CSRNP2: variants seen among roughly 807,000 people sequenced by gnomAD.
CSRNP2 encodes cysteine/serine-rich nuclear protein 2.
CSRNP2 carries 11 observed loss-of-function variants against 36.6 expected under a neutral mutation model. The ratio of observed to expected loss-of-function variants is 0.30; its 90% CI spans 0.19 to 0.50. The LOEUF (loss-of-function observed/expected upper bound fraction) is 0.50, where lower values mean the gene tolerates loss of function less well. Among genes scored for constraint, CSRNP2 ranks in the 20% least tolerant of loss-of-function variants. The pLI, the probability that CSRNP2 is intolerant of heterozygous loss-of-function variation, is 0.98. For missense variants in CSRNP2, 483 were observed against 691.4 expected, an observed-to-expected ratio of 0.70 and a Z score of 3.38; for synonymous variants, 248 against 275.3, an observed-to-expected ratio of 0.90 and a Z score of 0.98.
chr12:51,070,007 T>A (rs762150813), intron 3 of CSRNP2, among the ~76,000 whole-genome samples: 3 of 151,288 alleles, frequency 2.0e-5, no homozygotes, highest in African/African-American at 7.3e-5. Context: ...CTGGGTTTTC[T>A]GGGCTGAGAT....
At chr12:51,070,382 C>T (rs1939022159) in intron 3 of CSRNP2, among the ~76,000 whole-genome samples, 1 of 152,156 alleles carries the variant, frequency 6.6e-6, no homozygotes, top group African/African-American at 2.4e-5. Context: ...AGGCCAACTA[C>T]AAAGGGCCTT....
At chr12:51,079,165 T>C (rs1401582830) in intron 1 of CSRNP2, among the ~76,000 whole-genome samples, 5 of 151,948 alleles carry the variant, frequency 3.3e-5, no homozygotes, top group Admixed American at 1.3e-4. Context: ...TAGGTGGGAA[T>C]TGAACAATGA....
intron 3 of CSRNP2, among the ~76,000 whole-genome samples, chr12:51,072,838 G>A (rs1005852547): frequency 3.9e-5 from 6 of 152,136 alleles, no homozygotes; most frequent in African/African-American, 1.4e-4. Context: ...ACAATTATTT[G>A]ACCAGAAATT....
intron 3 of CSRNP2, among the ~76,000 whole-genome samples, chr12:51,070,933 C>T (rs376759779): frequency 6.6e-6 from 1 of 152,032 alleles, no homozygotes; most frequent in African/African-American, 2.4e-5. Context: ...ACCAGGAGTT[C>T]GAGACCAGCT....
In CSRNP2 at chr12:51,062,852, TA is replaced by T; in HGVS notation, c.*893del. The stretch of plus-strand genomic sequence containing the variant: ...GGCACAAATATGTCATCTTTCCAGA[TA>T]GCAAGCAGCCTGTTCCCGCTGCCTC... On this transcript the variant is annotated 3_prime_UTR_variant, in exon 5 of 5. Transcript: ENST00000228515. 1 of 152,508 alleles carries T rather than the reference TA, an allele frequency of 6.6e-6. No individual in the cohort carries two copies. Among genetic ancestry groups the T allele is most frequent in the Non-Finnish European group, 1.5e-5 (1 of 68,066 alleles). 9.4% of individuals were successfully genotyped at this position (152,508 alleles called of 1,614,324 possible).
intron 3 of CSRNP2, among the ~76,000 whole-genome samples, chr12:51,073,049 C>T (rs889015005): frequency 6.6e-6 from 1 of 151,782 alleles, no homozygotes; most frequent in Non-Finnish European, 1.5e-5. Flanking sequence ...TGCAAGATCC[C>T]ACTACTATTA....
chr12:51,081,124 T>C (rs753062040), intron 1 of CSRNP2, among the ~76,000 whole-genome samples: 4 of 151,866 alleles, frequency 2.6e-5, no homozygotes, highest in Non-Finnish European at 5.9e-5. Context: ...CCCACCTCTA[T>C]TAAAAATACA....
At chr12:51,066,357 G>A (rs1938295749) in intron 4 of CSRNP2, among the ~76,000 whole-genome samples, 1 of 151,596 alleles carries the variant, frequency 6.6e-6, no homozygotes, top group African/African-American at 2.4e-5. Context: ...GGAGGCTGAG[G>A]CAGGAGAATT....
intron 2 of CSRNP2, among the ~76,000 whole-genome samples, chr12:51,075,233 T>G (rs1045716631): frequency 6.6e-6 from 1 of 151,940 alleles, no homozygotes; most frequent in African/African-American, 2.4e-5. Context: ...CACCTCAGCC[T>G]CCAGAGTAGC....
chr12:51,078,398 A>C (rs199586335), intron 1 of CSRNP2, among the ~76,000 whole-genome samples: 1 of 148 alleles, frequency 6.8e-3, no homozygotes, highest in East Asian at 0.5. Flanking sequence ...GCCAGGGAAG[A>C]AAAAAAAAAA....
Position 51,067,830 on chromosome 12 carries a change from C to A in CSRNP2, c.551G>T (p.Arg184Leu). Residue 184 changes from arginine to leucine, a missense_variant, in exon 4 of 5, where the codon CGG becomes CTG. Physicochemically the swap from Arg to Leu is moderately radical, Grantham distance 102 (BLOSUM62 -2). Around this residue, in one of 2 missense-constraint regions of CSRNP2, gnomAD observed 206 missense variants for 367.8 expected, o/e 0.56. Coordinates refer to ENST00000228515, the MANE Select transcript of CSRNP2 (RefSeq NM_030809.3). This position sits in a 1 kb window ranked among gnomAD's most constrained non-coding sequence, Gnocchi z 4.1. ...GACCCCAGAAGCCCTCAGCAGGGCC[C>A]GTCGCCGTTTGGTGGGCAGAGGCTG... ...FLQPLPTKRRRALLRASGVHR... is the reference protein window; with the variant it reads ...FLQPLPTKRRLALLRASGVHR... 1 of 1,614,218 alleles carries A rather than the reference C, an allele frequency of 6.2e-7. No homozygotes were observed. Among genetic ancestry groups the A allele is most frequent in the Non-Finnish European group, 8.5e-7 (1 of 1,180,042 alleles).
chr12:51,076,371 G>C, intron 2 of CSRNP2, 40 bp downstream of exon 2: 1 of 1,603,872 alleles, frequency 6.2e-7, no homozygotes, highest in Non-Finnish European at 8.5e-7. Flanking sequence ...CTGCTGCTTG[G>C]GGAATGTGGG....
chr12:51,073,398 A>ATTTT lies in CSRNP2; in HGVS notation c.411+424_411+425insAAAA, dbSNP rs1387694853. ...TCAAATCTGAGATTTTTCATTAGAA[A>ATTTT]GAGTTGAAATCTCTATACCCCAAGG... is the stretch of plus-strand genomic sequence containing the variant. On this transcript the variant is annotated intron_variant, in intron 3 of 4. Transcript: ENST00000228515. Among the ~76,000 whole-genome samples, 5 of 152,076 alleles carry ATTTT rather than the reference A, an allele frequency of 3.3e-5. No individual in the cohort carries two copies. The East Asian group carries it at 9.7e-4, about 29-fold the overall frequency.
intron 1 of CSRNP2, among the ~76,000 whole-genome samples, chr12:51,080,763 T>C (rs1048081940): frequency 1.3e-5 from 2 of 152,212 alleles, no homozygotes; most frequent in African/African-American, 4.8e-5. Context: ...AAAAAGATTA[T>C]GTCCCAACAA....
Position 51,069,381 on chromosome 12 carries a change from G to A in CSRNP2, c.412-1412C>T, listed in dbSNP as rs778867652. Among the ~76,000 whole-genome samples, 3 of 149,386 alleles carry A rather than the reference G, an allele frequency of 2.0e-5. 1 individual carries two copies. The highest frequency in any genetic ancestry group is 5.1e-5 in the African/African-American group (2 of 39,520). ...GGCTCACTGCAATCTCTGCCTCCTG[G>A]GTTCAAGTGATTCTCCTGCCTCAGC... On this transcript the variant is annotated intron_variant, in intron 3 of 4. Transcript: ENST00000228515.
At chr12:51,069,213 A>G (rs1387858552) in intron 3 of CSRNP2, among the ~76,000 whole-genome samples, 3 of 151,432 alleles carry the variant, frequency 2.0e-5, no homozygotes, top group Non-Finnish European at 4.4e-5. Flanking sequence ...CTGACCTTGT[A>G]ATCTGCCCAC....
In CSRNP2 at chr12:51,064,402, G is replaced by C. The variant is rs1029000388; in HGVS notation, c.976C>G (p.His326Asp). The change falls in exon 5 of 5, where the codon CAC becomes GAC. Residue 326 changes from histidine to aspartate, a missense_variant. By Grantham distance (81) the His-to-Asp change is moderately conservative. Coordinates refer to ENST00000228515, the MANE Select transcript of CSRNP2 (RefSeq NM_030809.3). ...FIAENETAVM[H>D]LQSAEELERL... ...TCCAGTTCCTCTGCACTCTGCAGGTGCATCACTGCTGTCTCATTCTCAGCA... is the reference window on the plus strand; with the variant it reads ...TCCAGTTCCTCTGCACTCTGCAGGTCCATCACTGCTGTCTCATTCTCAGCA... 1 of 1,614,030 alleles carries C rather than the reference G, an allele frequency of 6.2e-7. No homozygotes were observed. Among genetic ancestry groups the C allele is most frequent in the Non-Finnish European group, 8.5e-7 (1 of 1,179,952 alleles).
intron 4 of CSRNP2, among the ~76,000 whole-genome samples, chr12:51,065,386 T>C (rs1056501432): frequency 1.1e-4 from 16 of 152,046 alleles, no homozygotes; most frequent in Non-Finnish European, 1.2e-4. Flanking sequence ...GAAAAACACA[T>C]AAACCAAAAA....
At chr12:51,064,803 A>G (rs1354827298) in intron 4 of CSRNP2, 134 bp from the exon 5 acceptor site, 3 of 636,314 alleles carry the variant, frequency 4.7e-6, no homozygotes, top group African/African-American at 1.8e-5. Context: ...AATTCAAAGC[A>G]TAGCATGCAG....
Sources: gnomAD v4.1 joint callset for allele counts (sites outside exome capture counted in the v4.1 genomes callset) on GRCh38, gnomAD v4.1.1 for gene constraint, gnomAD v4.1.1 regional missense constraint, Gnocchi (gnomAD v3.1) non-coding constraint, MANE v1.5 for transcripts, NCBI Gene and HGNC (gene_info 2026-07-23, HGNC 2026-07-21) for gene names.